The following SYNGR2 variants were observed in gnomAD, a reference collection of about 807,000 sequenced individuals.
SYNGR2 encodes the protein synaptogyrin 2.
In SYNGR2, 11 loss-of-function variants were observed where a neutral mutation model predicts 18.7. That is an observed-to-expected ratio of 0.59 (90% confidence interval 0.37 to 0.97). The LOEUF (loss-of-function observed/expected upper bound fraction) is 0.97. Among genes scored for constraint, SYNGR2 ranks in the 50% least tolerant of loss-of-function variants. The pLI, the probability that SYNGR2 is intolerant of heterozygous loss-of-function variation, is 0.01. For missense variants in SYNGR2, 253 were observed against 300.7 expected, an observed-to-expected ratio of 0.84 and a Z score of 1.17; for synonymous variants, 127 against 131.0, an observed-to-expected ratio of 0.97 and a Z score of 0.21.
chr17:78,170,732 C>A, intron 1 of SYNGR2, 85 bp from the exon 2 acceptor site: 1 of 1,155,760 alleles, frequency 8.7e-7, no homozygotes, highest in Non-Finnish European at 1.3e-6. Context: ...TGGGAGAGGC[C>A]AGCATCTGTA....
In SYNGR2 at chr17:78,171,695, T is replaced by G. The variant is rs1598960626; in HGVS notation, c.478-44T>G. 3 of 1,611,438 alleles carry G rather than the reference T, an allele frequency of 1.9e-6. No individual in the cohort carries two copies. Among genetic ancestry groups the G allele is most frequent in the Non-Finnish European group, 8.5e-7 (1 of 1,178,524 alleles). ...TTCTTGGGTCAAGGGTGGTGGAGGG[T>G]GGGGTCCCCCACCCACCTGTACCCT... On this transcript the variant is annotated intron_variant, in intron 3 of 3. Coordinates refer to ENST00000225777, the MANE Select transcript of SYNGR2 (RefSeq NM_004710.7). This position sits in a 1 kb window ranked among gnomAD's most constrained non-coding sequence, Gnocchi z 6.6.
rs1484540426 is a variant in SYNGR2, at chr17:78,171,815, C to T, written c.554C>T (p.Thr185Ile). 6.2e-7 allele frequency: 1 copy of T among 1,614,146 alleles called. No homozygotes were observed. The highest frequency in any genetic ancestry group is 8.5e-7 in the Non-Finnish European group (1 of 1,180,010). ...TTCATCCAGAATTACGTTGACCCCA[C>T]TCCGGACCCCAACACTGCCTACGCC... ...DDFIQNYVDPTPDPNTAYASY... is the reference protein window; with the variant it reads ...DDFIQNYVDPIPDPNTAYASY... The change falls in exon 4 of 4, where the codon ACT (threonine) becomes ATT (isoleucine). Residue 185 changes from threonine to isoleucine, a missense_variant. Coordinates refer to ENST00000225777, the MANE Select transcript of SYNGR2 (RefSeq NM_004710.7). This position sits in a 1 kb window ranked among gnomAD's most constrained non-coding sequence, Gnocchi z 6.6.
chr17:78,171,840 C>T lies in SYNGR2; in HGVS notation c.579C>T (p.Ala193=), dbSNP rs1313862402. Residue 193 remains alanine (A), a synonymous_variant, in exon 4 of 4, where the codon GCC becomes GCT. Coordinates refer to ENST00000225777, the MANE Select transcript of SYNGR2 (RefSeq NM_004710.7). This position sits in a 1 kb window ranked among gnomAD's most constrained non-coding sequence, Gnocchi z 6.6. The stretch of plus-strand genomic sequence containing the variant: ...CTCCGGACCCCAACACTGCCTACGC[C>T]TCCTACCCAGGTGCATCTGTGGACA... ...DPTPDPNTAY[A]SYPGASVDNY... The T allele has an allele frequency of 1.2e-6, 2 of 1,614,156 alleles. No individual in the cohort carries two copies. Among genetic ancestry groups the T allele is most frequent in the Non-Finnish European group, 1.7e-6 (2 of 1,180,008 alleles).
rs956861630 is a variant in SYNGR2 at position 78,171,740 on chromosome 17, G to T, written c.479G>T (p.Gly160Val). The part of the protein sequence containing the change: ...TFSFFSIFSW[G>V]VLASLAYQRY... ...TACCCTGCTGTGCTCCCCCTGCAGG[G>T]TGTGCTGGCCTCCCTGGCCTACCAG... Residue 160 changes from glycine to valine, a missense_variant and splice_region_variant, in exon 4 of 4, where the codon GGT (glycine) becomes GTT (valine). Transcript: ENST00000225777. The surrounding 1 kb of genome is among the most constrained non-coding windows in gnomAD (Gnocchi z 6.6). The T allele has an allele frequency of 6.2e-7, 1 of 1,614,074 alleles. No homozygotes were observed. Among genetic ancestry groups the T allele is most frequent in the Non-Finnish European group, 8.5e-7 (1 of 1,179,988 alleles).
Position 78,170,935 on chromosome 17 carries a change from C to T in SYNGR2, c.218C>T (p.Ala73Val). ...RNEDACRYGS[A>V]IGVLAFLASA... Reference sequence around the variant, plus strand: ...GAGGATGCCTGCCGCTATGGCAGTGCCATCGGGGTGCTGGCCTTCCTGGCC... The same window carrying T: ...GAGGATGCCTGCCGCTATGGCAGTGTCATCGGGGTGCTGGCCTTCCTGGCC... Residue 73 changes from alanine to valine, a missense_variant, in exon 2 of 4, where the codon GCC becomes GTC. Physicochemically the swap from Ala to Val is moderately conservative, Grantham distance 64 (BLOSUM62 0). Coordinates refer to ENST00000225777, the MANE Select transcript of SYNGR2 (RefSeq NM_004710.7). 6.2e-7 allele frequency: 1 copy of T among 1,613,400 alleles called. No individual in the cohort carries two copies. The highest frequency in any genetic ancestry group is 1.1e-5 in the South Asian group (1 of 91,088).
At chr17:78,169,100 T>G (rs1054587846) in intron 1 of SYNGR2, 1 of 155,710 alleles carries the variant, frequency 6.4e-6, no homozygotes, top group Non-Finnish European at 1.4e-5. Context: ...CGAAGCCACG[T>G]GGGGTAAGGG....
chr17:78,172,299 G>A lies in SYNGR2; in HGVS notation c.*363G>A. ...CCCCGGCCCGGGTCAGGCCGTGGGA[G>A]CCGCTATTATCTGCGTTCTCTGCCA... On this transcript the variant is annotated 3_prime_UTR_variant, in exon 4 of 4. Coordinates refer to ENST00000225777, the MANE Select transcript of SYNGR2 (RefSeq NM_004710.7). 2 of 495,754 alleles carry A rather than the reference G, an allele frequency of 4.0e-6. No individual in the cohort carries two copies. Among genetic ancestry groups the A allele is most frequent in the Non-Finnish European group, 7.2e-6 (2 of 278,716 alleles). 30.7% of individuals were successfully genotyped at this position (495,754 alleles called of 1,614,324 possible). A position where few individuals can be genotyped will look rare whatever the true frequency, so the allele number is the denominator to read the frequency against.
At chr17:78,170,770 G>A (rs1412172912) in intron 1 of SYNGR2, 47 bp from the exon 2 acceptor site, 2 of 1,543,530 alleles carry the variant, frequency 1.3e-6, no homozygotes, top group Non-Finnish European at 1.8e-6. Context: ...CGCTGTGTGT[G>A]CCCCTCAGGC....
At position 78,171,895 on chromosome 17, in the gene SYNGR2, G is replaced by T. The variant is rs373072233; in HGVS notation, c.634G>T (p.Ala212Ser). 6.2e-7 allele frequency: 1 copy of T among 1,613,816 alleles called. No individual in the cohort carries two copies. The highest frequency in any genetic ancestry group is 8.5e-7 in the Non-Finnish European group (1 of 1,179,982). Residue 212 changes from alanine (A) to serine (S), a missense_variant, in exon 4 of 4, where the codon GCG (alanine) becomes TCG (serine). Transcript: ENST00000225777. This position sits in a 1 kb window ranked among gnomAD's most constrained non-coding sequence, Gnocchi z 6.6. ...CCAACAGCCACCCTTCACCCAGAAC[G>T]CGGAGACCACCGAGGGCTACCAGCC... ...NYQQPPFTQN[A>S]ETTEGYQPPP...
Position 78,172,291 on chromosome 17 carries a change from C to T in SYNGR2, c.*355C>T, listed in dbSNP as rs2075665865. ...CAGCTTCCCCCCGGCCCGGGTCAGG[C>T]CGTGGGAGCCGCTATTATCTGCGTT... is the stretch of plus-strand genomic sequence containing the variant. On this transcript the variant is annotated 3_prime_UTR_variant, in exon 4 of 4. Coordinates refer to ENST00000225777, the MANE Select transcript of SYNGR2 (RefSeq NM_004710.7). 1 of 507,108 alleles carries T rather than the reference C, an allele frequency of 2.0e-6. No individual in the cohort carries two copies. The highest frequency in any genetic ancestry group is 3.5e-5 in the Admixed American group (1 of 28,688). The allele number at this position is 507,108 out of a possible 1,614,324, so 31.4% of individuals were successfully genotyped here.
chr17:78,170,923 G>C lies in SYNGR2; in HGVS notation c.206G>C (p.Arg69Pro). Residue 69 changes from arginine to proline, a missense_variant, in exon 2 of 4, where the codon CGC becomes CCC. By Grantham distance (103) the Arg-to-Pro change is moderately radical. Coordinates refer to ENST00000225777, the MANE Select transcript of SYNGR2 (RefSeq NM_004710.7). ...TTCAACCGCAACGAGGATGCCTGCC[G>C]CTATGGCAGTGCCATCGGGGTGCTG... ...CVFNRNEDAC[R>P]YGSAIGVLAF... The C allele has an allele frequency of 6.2e-7, 1 of 1,613,452 alleles. No homozygotes were observed. Among genetic ancestry groups the C allele is most frequent in the Non-Finnish European group, 8.5e-7 (1 of 1,180,032 alleles).
chr17:78,170,635 A>G (rs2075650689), intron 1 of SYNGR2, 182 bp from the exon 2 acceptor site: 1 of 658,072 alleles, frequency 1.5e-6, no homozygotes, highest in South Asian at 1.7e-5. Context: ...CAGTGAGCCG[A>G]GATCGCACTA....
chr17:78,169,480 AG>A (rs1338033961), intron 1 of SYNGR2, among the ~76,000 whole-genome samples: 1 of 152,006 alleles, frequency 6.6e-6, no homozygotes, highest in African/African-American at 2.4e-5. Context: ...TCAGGTGCCC[AG>A]TGGGTCGGGA....
In SYNGR2 at chr17:78,171,440, C is replaced by A. The variant is rs2075657564; in HGVS notation, c.338-70C>A. 6.0e-6 allele frequency: 9 copies of A among 1,500,894 alleles called. No homozygotes were observed. The Middle Eastern group carries it at 5.4e-4, about 90-fold the overall frequency. The allele number at this position is 1,500,894 out of a possible 1,614,324, so 93.0% of individuals were successfully genotyped here. On this transcript the variant is annotated intron_variant, in intron 2 of 3. Transcript: ENST00000225777. The surrounding 1 kb of genome is among the most constrained non-coding windows in gnomAD (Gnocchi z 6.6). ...GGGAGGTCCCTGCCCTACCTGCCCG[C>A]GTCCCCTCCCAGAGTCCTGGAAAGC...
intron 1 of SYNGR2, chr17:78,170,455 T>G: frequency 4.5e-6 from 1 of 223,780 alleles, no homozygotes; most frequent in Non-Finnish European, 9.1e-6. Flanking sequence ...TCCCAGCACT[T>G]TGGGAGGCCG....
Position 78,171,444 on chromosome 17 carries a change from C to G in SYNGR2, c.338-66C>G. ...GGTCCCTGCCCTACCTGCCCGCGTC[C>G]CCTCCCAGAGTCCTGGAAAGCCCCT... On this transcript the variant is annotated intron_variant, in intron 2 of 3. Transcript: ENST00000225777. The surrounding 1 kb of genome is among the most constrained non-coding windows in gnomAD (Gnocchi z 6.6). 1 of 1,504,766 alleles carries G rather than the reference C, an allele frequency of 6.6e-7. No homozygotes were observed. Among genetic ancestry groups the G allele is most frequent in the Non-Finnish European group, 8.9e-7 (1 of 1,126,300 alleles). The allele number at this position is 1,504,766 out of a possible 1,614,324, so 93.2% of individuals were successfully genotyped here. A position where few individuals can be genotyped will look rare whatever the true frequency, so the allele number is the denominator to read the frequency against.
rs371722635 is a variant in SYNGR2 at position 78,171,734 on chromosome 17, T to C, written c.478-5T>C. 29 of 1,613,896 alleles carry C rather than the reference T, an allele frequency of 1.8e-5. 1 individual carries two copies. The Admixed American group carries it at 2.8e-4, about 16-fold the overall frequency. ...CACCTGTACCCTGCTGTGCTCCCCCTGCAGGGTGTGCTGGCCTCCCTGGCC... is the reference window on the plus strand; with the variant it reads ...CACCTGTACCCTGCTGTGCTCCCCCCGCAGGGTGTGCTGGCCTCCCTGGCC... On this transcript the variant is annotated splice_region_variant and splice_polypyrimidine_tract_variant and intron_variant, in intron 3 of 3. Coordinates refer to ENST00000225777, the MANE Select transcript of SYNGR2 (RefSeq NM_004710.7). The surrounding 1 kb of genome is among the most constrained non-coding windows in gnomAD (Gnocchi z 6.6).
At chr17:78,169,265 T>TGGGGGGGGGGG (rs1199152774) in intron 1 of SYNGR2, 2 of 69,088 alleles carry the variant, frequency 2.9e-5, no homozygotes, top group African/African-American at 3.6e-4. Flanking sequence ...TTTGTGTGTG[T>TGGGGGGGGGGG]GTGTGTGTGG....
Position 78,172,292 on chromosome 17 carries a change from C to T in SYNGR2, c.*356C>T, listed in dbSNP as rs1009726658. On this transcript the variant is annotated 3_prime_UTR_variant, in exon 4 of 4. Coordinates refer to ENST00000225777, the MANE Select transcript of SYNGR2 (RefSeq NM_004710.7). The stretch of plus-strand genomic sequence containing the variant: ...AGCTTCCCCCCGGCCCGGGTCAGGC[C>T]GTGGGAGCCGCTATTATCTGCGTTC... 1.4e-5 allele frequency: 7 copies of T among 505,566 alleles called. No homozygotes were observed. The highest frequency in any genetic ancestry group is 9.5e-5 in the East Asian group (3 of 31,576). The allele number at this position is 505,566 out of a possible 1,614,324, so 31.3% of individuals were successfully genotyped here.
Sources: gnomAD v4.1 joint callset for allele counts (sites outside exome capture counted in the v4.1 genomes callset) on GRCh38, gnomAD v4.1.1 for gene constraint, Gnocchi (gnomAD v3.1) non-coding constraint, MANE v1.5 for transcripts, NCBI Gene and HGNC (gene_info 2026-07-23, HGNC 2026-07-21) for gene names.